The following MGRN1 variants were observed in gnomAD, a reference collection of about 807,000 sequenced individuals.
MGRN1 encodes E3 ubiquitin-protein ligase MGRN1.
In MGRN1, 29 loss-of-function variants were observed where a neutral mutation model predicts 69.2. The observed-to-expected ratio is 0.42, with a 90% CI of 0.31 to 0.57. The LOEUF is 0.57. MGRN1 is among the 20% of genes least tolerant of loss of function. MGRN1 has a pLI of 0.15. For synonymous variants in MGRN1, 470 were observed against 344.2 expected (o/e 1.37, Z -4.04); for missense variants, 998 against 796.2 (o/e 1.25, Z -3.05).
intron 1 of MGRN1, among the ~76,000 whole-genome samples, chr16:4,632,714 G>C (rs796167924): frequency 1.4e-4 from 22 of 152,188 alleles, no homozygotes; most frequent in African/African-American, 4.8e-4. Context: ...TGGTATACTT[G>C]TGTTGTGCAG....
At chr16:4,686,340 CGCGCGTCCTTGGAGAGAGGA>C in intron 16 of MGRN1, 1 of 1,540,192 alleles carries the variant, frequency 6.5e-7, no homozygotes, top group Non-Finnish European at 8.7e-7. Context: ...GGGGCTCTGA[CGCGCGTCCTTGGAGAGAGGA>C]GCCCTCCCCT....
At chr16:4,659,184 AAAAT>A (rs1366832480) in intron 5 of MGRN1, 1 of 152,100 alleles carries the variant, frequency 6.6e-6, no homozygotes, top group African/African-American at 2.4e-5. Context: ...AAATAAAAAT[AAAAT>A]AAAAGTAAAA....
chr16:4,674,045 C>T (rs1172957483), intron 10 of MGRN1, among the ~76,000 whole-genome samples: 2 of 151,162 alleles, frequency 1.3e-5, no homozygotes, highest in East Asian at 2.0e-4. Flanking sequence ...AGTTCAGTAG[C>T]GAGTTCTCAG....
At chr16:4,635,759 C>G (rs570197733) in intron 1 of MGRN1, among the ~76,000 whole-genome samples, 1 of 151,308 alleles carries the variant, frequency 6.6e-6, no homozygotes, top group East Asian at 1.9e-4. Context: ...CAAAGCCTCC[C>G]GAGTAGCTGG....
At chr16:4,663,777 T>TG (rs997949325) in intron 5 of MGRN1, among the ~76,000 whole-genome samples, 1 of 152,184 alleles carries the variant, frequency 6.6e-6, no homozygotes, top group Non-Finnish European at 1.5e-5. Context: ...AGAGCAGTGC[T>TG]GGGGAGCAGG....
intron 1 of MGRN1, 136 bp downstream of exon 1, chr16:4,625,184 CG>C: frequency 1.3e-6 from 1 of 791,044 alleles, no homozygotes. Context: ...AGCCTTCGCG[CG>C]GCCCCACGGC....
In MGRN1 at chr16:4,681,471, ACAGGAGGTCAT is replaced by A. The variant is rs1206086733; in HGVS notation, c.1132-71_1132-61del. On this transcript the variant is annotated intron_variant, in intron 12 of 16. Transcript: ENST00000262370. ...CTCAATCCCCCAAAGAACAGAGTGG[ACAGGAGGTCAT>A]CAGGAGGAGCGTCTGGGGAGCAGGT... The A allele has an allele frequency of 2.9e-6, 4 of 1,366,110 alleles. No homozygotes were observed. The East Asian group carries it at 7.0e-5, about 24-fold the overall frequency. 84.6% of individuals were successfully genotyped at this position (1,366,110 alleles called of 1,614,324 possible). A position where few individuals can be genotyped will look rare whatever the true frequency, so the allele number is the denominator to read the frequency against.
intron 5 of MGRN1, among the ~76,000 whole-genome samples, chr16:4,663,065 A>ATTTTGT (rs1361992578): frequency 1.3e-5 from 2 of 151,970 alleles, no homozygotes; most frequent in Non-Finnish European, 2.9e-5. Context: ...TTTCATCCAT[A>ATTTTGT]TTTTGTTTTT....
At chr16:4,663,226 G>C (rs1024984669) in intron 5 of MGRN1, among the ~76,000 whole-genome samples, 1 of 152,070 alleles carries the variant, frequency 6.6e-6, no homozygotes. Flanking sequence ...ACCATGCTTG[G>C]CTAATTTTTG....
chr16:4,672,631 C>T, intron 9 of MGRN1: 3 of 358,578 alleles, frequency 8.4e-6, no homozygotes, highest in South Asian at 4.1e-5. Flanking sequence ...TCCACGCTGC[C>T]ATTACAACAG....
At chr16:4,685,148 C>A (rs543946420) in intron 16 of MGRN1, among the ~76,000 whole-genome samples, 2 of 152,352 alleles carry the variant, frequency 1.3e-5, no homozygotes, top group African/African-American at 4.8e-5. Context: ...TAAAGTGACA[C>A]AGAATTCGAG....
At chr16:4,658,768 G>C (rs1027777193) in intron 5 of MGRN1, 9 of 152,238 alleles carry the variant, frequency 5.9e-5, no homozygotes, top group African/African-American at 2.2e-4. Context: ...ACTTCGGGAG[G>C]CTGAGGTGGA....
chr16:4,657,738 C>CTTTTTTTTTTTTT (rs1157518931), intron 5 of MGRN1, among the ~76,000 whole-genome samples: 2 of 76,998 alleles, frequency 2.6e-5, no homozygotes, highest in African/African-American at 5.8e-5. Flanking sequence ...TGCAGACATC[C>CTTTTTTTTTTTTT]TTTTTTTTTT....
chr16:4,674,626 C>CTTTCTTTTTTTT (rs2079014994), intron 10 of MGRN1, among the ~76,000 whole-genome samples: 1 of 47,256 alleles, frequency 2.1e-5, no homozygotes, highest in African/African-American at 8.9e-5. Context: ...CTTTTCTTTT[C>CTTTCTTTTTTTT]TTTTTTTTTT....
intron 4 of MGRN1, among the ~76,000 whole-genome samples, chr16:4,656,381 C>T (rs888476607): frequency 8.5e-5 from 13 of 152,292 alleles, no homozygotes; most frequent in African/African-American, 2.6e-4. Flanking sequence ...TGTGTGCAGA[C>T]GCATGAAAGA....
At chr16:4,634,247 A>C (rs1454119926) in intron 1 of MGRN1, 1 of 152,302 alleles carries the variant, frequency 6.6e-6, no homozygotes, top group Middle Eastern at 3.2e-3. Context: ...CTGCCAGTCC[A>C]TGTGAGCCAG....
chr16:4,637,725 G>A (rs1229756663), intron 1 of MGRN1, among the ~76,000 whole-genome samples: 1 of 152,248 alleles, frequency 6.6e-6, no homozygotes, highest in African/African-American at 2.4e-5. Flanking sequence ...GCGTGTGTGA[G>A]GCCATCGCCA....
At chr16:4,643,358 A>G (rs934567133) in intron 1 of MGRN1, among the ~76,000 whole-genome samples, 75 of 151,256 alleles carry the variant, frequency 5.0e-4, no homozygotes, top group Non-Finnish European at 9.4e-4. Context: ...GGCCTCCCAA[A>G]GTGGTAGGAT....
intron 16 of MGRN1, among the ~76,000 whole-genome samples, chr16:4,685,536 C>T (rs201888858): frequency 3.8e-4 from 58 of 152,372 alleles, no homozygotes; most frequent in East Asian, 3.7e-3. Context: ...CCCTGGGCCC[C>T]GCTCTTGGAG....
Sources: allele counts gnomAD v4.1 joint callset (sites outside exome capture counted in the v4.1 genomes callset), GRCh38; gene constraint gnomAD v4.1.1; transcripts MANE v1.5; gene names NCBI Gene and HGNC (gene_info 2026-07-23, HGNC 2026-07-21).